The following SGMS1 variants were observed in gnomAD, a reference collection of about 807,000 sequenced individuals.
SGMS1 encodes the protein sphingomyelin synthase 1.
In SGMS1, 13 loss-of-function variants were observed where a neutral mutation model predicts 46.2. The observed-to-expected ratio is 0.28, with a 90% confidence interval of 0.18 to 0.45. The LOEUF (loss-of-function observed/expected upper bound fraction) is 0.45, where lower values mean the gene tolerates loss of function less well. Among genes scored for constraint, SGMS1 ranks in the 20% least tolerant of loss-of-function variants. SGMS1 has a pLI of 1.00. For synonymous variants in SGMS1, 203 were observed against 187.8 expected, an observed-to-expected ratio of 1.08 and a Z score of -0.66; for missense variants, 324 against 519.9, an observed-to-expected ratio of 0.62 and a Z score of 3.66.
At chr10:50,414,543 C>G (rs1289406285) in intron 6 of SGMS1, among the ~76,000 whole-genome samples, 1 of 152,192 alleles carries the variant, frequency 6.6e-6, no homozygotes, top group Non-Finnish European at 1.5e-5. Context: ...ATTTACTATC[C>G]GATTCTGCTT....
chr10:50,534,642 G>T (rs919694277), intron 2 of SGMS1, among the ~76,000 whole-genome samples: 1 of 152,292 alleles, frequency 6.6e-6, no homozygotes, highest in Non-Finnish European at 1.5e-5. Flanking sequence ...ACAGGGAAGC[G>T]ATTTACAAAA....
chr10:50,544,513 GT>G (rs1172388690), intron 2 of SGMS1, among the ~76,000 whole-genome samples: 15 of 152,082 alleles, frequency 9.9e-5, no homozygotes, highest in African/African-American at 3.1e-4. Flanking sequence ...GCAACTGAGA[GT>G]TTTTTTGATC....
chr10:50,395,275 C>T (rs566757799), intron 6 of SGMS1, among the ~76,000 whole-genome samples: 1 of 152,294 alleles, frequency 6.6e-6, no homozygotes, highest in Admixed American at 6.5e-5. Context: ...GTTGGGATCC[C>T]TGTAATAAAT....
intron 1 of SGMS1, among the ~76,000 whole-genome samples, chr10:50,602,757 G>T (rs1231007823): frequency 1.3e-5 from 2 of 152,148 alleles, no homozygotes; most frequent in Non-Finnish European, 2.9e-5. Context: ...TTCTCAGTAG[G>T]TTCCTGAACA....
chr10:50,417,865 C>T (rs746354852), intron 6 of SGMS1, among the ~76,000 whole-genome samples: 18 of 152,238 alleles, frequency 1.2e-4, no homozygotes, highest in Non-Finnish European at 2.5e-4. Context: ...TCCTGACCCA[C>T]TGCTTCAGCA....
At chr10:50,484,017 A>G (rs1369792239) in intron 3 of SGMS1, among the ~76,000 whole-genome samples, 1 of 152,196 alleles carries the variant, frequency 6.6e-6, no homozygotes, top group Non-Finnish European at 1.5e-5. Flanking sequence ...CCCCAAAGCT[A>G]GCAGGAGACA....
chr10:50,612,853 C>T (rs537796081), intron 1 of SGMS1, among the ~76,000 whole-genome samples: 5 of 152,314 alleles, frequency 3.3e-5, no homozygotes, highest in African/African-American at 1.2e-4. Flanking sequence ...GGATTACAGG[C>T]GTGCGCCTCC....
intron 4 of SGMS1, 60 bp downstream of exon 4, chr10:50,466,830 G>A (rs1473025603): frequency 6.6e-6 from 1 of 151,876 alleles, no homozygotes; most frequent in Non-Finnish European, 1.5e-5. Context: ...TCCTCTCATT[G>A]GGAGAACACA....
chr10:50,389,499 A>C (rs1848733494), intron 6 of SGMS1, among the ~76,000 whole-genome samples: 1 of 152,228 alleles, frequency 6.6e-6, no homozygotes, highest in Non-Finnish European at 1.5e-5. Context: ...CCATCAAATC[A>C]AAGTGTTTTA....
At chr10:50,443,994 A>C (rs1477666448) in intron 5 of SGMS1, among the ~76,000 whole-genome samples, 3 of 152,152 alleles carry the variant, frequency 2.0e-5, no homozygotes, top group Non-Finnish European at 4.4e-5. Context: ...ACTACAAAAC[A>C]GTAGTGCAAA....
At chr10:50,422,058 G>A (rs1202355467) in intron 6 of SGMS1, among the ~76,000 whole-genome samples, 1 of 152,086 alleles carries the variant, frequency 6.6e-6, no homozygotes, top group Non-Finnish European at 1.5e-5. Context: ...ACTGGCAAAA[G>A]CCCTGGGGAA....
chr10:50,463,767 C>A (rs548498715), intron 4 of SGMS1, among the ~76,000 whole-genome samples: 1 of 152,040 alleles, frequency 6.6e-6, no homozygotes, highest in African/African-American at 2.4e-5. Flanking sequence ...AAGAGGTGGA[C>A]GCAACCCACA....
intron 6 of SGMS1, among the ~76,000 whole-genome samples, chr10:50,357,734 TC>T (rs1848176885): frequency 6.6e-6 from 1 of 152,222 alleles, no homozygotes; most frequent in Admixed American, 6.5e-5. Flanking sequence ...ATTTATTCTT[TC>T]CTTGACGATT....
intron 6 of SGMS1, among the ~76,000 whole-genome samples, chr10:50,377,278 C>CG (rs1489499865): frequency 1.3e-5 from 2 of 152,066 alleles, no homozygotes; most frequent in Non-Finnish European, 2.9e-5. Flanking sequence ...GCTTTTATAA[C>CG]GGATCCACTT....
chr10:50,616,051 T>C (rs938884310), intron 1 of SGMS1, among the ~76,000 whole-genome samples: 1 of 152,378 alleles, frequency 6.6e-6, no homozygotes, highest in African/African-American at 2.4e-5. Flanking sequence ...TAATTCACTT[T>C]GCTTTTCTGA....
chr10:50,410,659 C>A (rs954933812), intron 6 of SGMS1, among the ~76,000 whole-genome samples: 2 of 152,184 alleles, frequency 1.3e-5, no homozygotes, highest in Non-Finnish European at 2.9e-5. Flanking sequence ...GAGGACTCAG[C>A]GGTATTCACC....
intron 3 of SGMS1, among the ~76,000 whole-genome samples, chr10:50,483,961 T>G (rs573006094): frequency 1.3e-5 from 2 of 152,130 alleles, no homozygotes; most frequent in East Asian, 1.9e-4. Flanking sequence ...CAAATTGACA[T>G]GCTAACATCA....
chr10:50,306,464 T>C lies in SGMS1; in HGVS notation c.*678A>G, dbSNP rs1415443380. The C allele has an allele frequency of 6.5e-6, 1 of 152,766 alleles. No individual in the cohort carries two copies. The highest frequency in any genetic ancestry group is 1.5e-5 in the Non-Finnish European group (1 of 68,042). 9.5% of individuals were successfully genotyped at this position (152,766 alleles called of 1,614,324 possible). A position where few individuals can be genotyped will look rare whatever the true frequency, so the allele number is the denominator to read the frequency against. ...AATTTTAACTCTCTTCTCTCTGACA[T>C]GTTAAAAATCTTTAAATTTGGTGTT... is the stretch of plus-strand genomic sequence containing the variant. On this transcript the variant is annotated 3_prime_UTR_variant, in exon 11 of 11. Coordinates refer to ENST00000361781, the MANE Select transcript of SGMS1 (RefSeq NM_147156.4).
rs1023151915 is a variant in SGMS1 at position 50,352,937 on chromosome 10, C to T, written c.-231-8592G>A. ...CCAATAACAGGCTCTGAAATTGAGGCAATAATCAATAGCTTACCAACCAAA... is the reference window on the plus strand; with the variant it reads ...CCAATAACAGGCTCTGAAATTGAGGTAATAATCAATAGCTTACCAACCAAA... On this transcript the variant is annotated intron_variant, in intron 6 of 10. Coordinates refer to ENST00000361781, the MANE Select transcript of SGMS1 (RefSeq NM_147156.4). Among the ~76,000 whole-genome samples, 35 of 152,210 alleles carry T rather than the reference C, an allele frequency of 2.3e-4. 1 individual carries two copies. The highest frequency in any genetic ancestry group is 8.4e-4 in the African/African-American group (35 of 41,508).
Sources: allele counts gnomAD v4.1 joint callset (sites outside exome capture counted in the v4.1 genomes callset), GRCh38; gene constraint gnomAD v4.1.1; transcripts MANE v1.5; gene names NCBI Gene and HGNC (gene_info 2026-07-23, HGNC 2026-07-21).